The following FTO variants were observed in gnomAD, a reference collection of about 807,000 sequenced individuals.
FTO encodes FTO alpha-ketoglutarate dependent dioxygenase.
FTO carries 47 observed loss-of-function variants against 63.9 expected under a neutral mutation model. The observed-to-expected ratio is 0.74, with a 90% confidence interval of 0.58 to 0.94. FTO has a LOEUF of 0.94. Among genes scored for constraint, FTO ranks in the 40% least tolerant of loss-of-function variants. The probability of loss-of-function intolerance (pLI) is 0.00; values close to 1 mark genes in which losing one functional copy is unlikely to be tolerated. For synonymous variants in FTO, 207 were observed against 224.4 expected (o/e 0.92, Z 0.69); for missense variants, 562 against 618.1 (o/e 0.91, Z 0.96).
chr16:53,958,021 G>A lies in FTO; in HGVS notation c.1364+23912G>A, dbSNP rs193109214. On this transcript the variant is annotated intron_variant, in intron 8 of 8. Transcript: ENST00000471389. ...AGCTACATGAATTATATTATTTATA[G>A]TGAACATAGTAGTGTGGTTTCATCT... Among the ~76,000 whole-genome samples, 251 of 152,284 alleles carry A rather than the reference G, an allele frequency of 1.6e-3. 4 individuals are homozygous for A. Among genetic ancestry groups the A allele is most frequent in the Non-Finnish European group, 1.5e-3 (105 of 68,024 alleles).
At chr16:53,972,489 G>T (rs1186862429) in intron 8 of FTO, among the ~76,000 whole-genome samples, 1 of 152,056 alleles carries the variant, frequency 6.6e-6, no homozygotes, top group Non-Finnish European at 1.5e-5. Flanking sequence ...ATATTAAGTT[G>T]CCTTGAGTAT....
At chr16:53,854,999 A>G (rs1417713738) in intron 4 of FTO, among the ~76,000 whole-genome samples, 1 of 150,686 alleles carries the variant, frequency 6.6e-6, no homozygotes, top group African/African-American at 2.4e-5. Flanking sequence ...ATCTTCTACT[A>G]CCTTGGTCAA....
intron 8 of FTO, among the ~76,000 whole-genome samples, chr16:53,954,354 A>G (rs1033837045): frequency 6.6e-6 from 1 of 151,784 alleles, no homozygotes; most frequent in Admixed American, 6.6e-5. Context: ...TTTTTTCCCT[A>G]GACCTACCTC....
At chr16:54,089,467 T>C (rs1413983331) in intron 8 of FTO, among the ~76,000 whole-genome samples, 1 of 152,176 alleles carries the variant, frequency 6.6e-6, no homozygotes, top group African/African-American at 2.4e-5. Flanking sequence ...TACTGAGCAC[T>C]CATATCTGCA....
At chr16:53,922,194 C>T (rs2082023481) in intron 7 of FTO, among the ~76,000 whole-genome samples, 1 of 152,158 alleles carries the variant, frequency 6.6e-6, no homozygotes, top group Admixed American at 6.5e-5. Context: ...GCTCTCATTT[C>T]CTTTTTTTCC....
At chr16:53,714,324 T>C (rs2075843735) in intron 1 of FTO, among the ~76,000 whole-genome samples, 1 of 152,332 alleles carries the variant, frequency 6.6e-6, no homozygotes. Flanking sequence ...TCTCCAGTAA[T>C]AATATAAAAT....
chr16:53,712,209 G>A (rs1188219258), intron 1 of FTO, among the ~76,000 whole-genome samples: 1 of 152,048 alleles, frequency 6.6e-6, no homozygotes, highest in Non-Finnish European at 1.5e-5. Context: ...GTCCTGAGAA[G>A]GTTCTTTTGG....
chr16:53,946,197 CA>C (rs141980283), intron 8 of FTO, among the ~76,000 whole-genome samples: 1,875 of 150,742 alleles, frequency 0.012, 48 homozygotes, highest in African/African-American at 0.043. Context: ...AATCAGAAAA[CA>C]AAAAAAAATA....
intron 1 of FTO, among the ~76,000 whole-genome samples, chr16:53,748,445 A>G (rs1029727385): frequency 1.3e-5 from 2 of 151,786 alleles, no homozygotes; most frequent in Non-Finnish European, 2.9e-5. Flanking sequence ...ACTATTTTTT[A>G]TAGCTATTTT....
chr16:53,935,155 A>G (rs1344562777), intron 8 of FTO, among the ~76,000 whole-genome samples: 2 of 152,212 alleles, frequency 1.3e-5, no homozygotes, highest in Admixed American at 6.5e-5. Context: ...TCTCTAAGCC[A>G]GAGGGAGAGG....
chr16:54,038,317 T>C (rs1179167647), intron 8 of FTO, among the ~76,000 whole-genome samples: 1 of 152,160 alleles, frequency 6.6e-6, no homozygotes, highest in Admixed American at 6.5e-5. Flanking sequence ...ATAGAACGTT[T>C]CCAGTGTTTA....
intron 3 of FTO, among the ~76,000 whole-genome samples, chr16:53,836,814 C>T (rs2079306758): frequency 6.6e-6 from 1 of 152,136 alleles, no homozygotes; most frequent in Non-Finnish European, 1.5e-5. Context: ...TGACTGCCCC[C>T]AGCTTTTGTG....
intron 1 of FTO, among the ~76,000 whole-genome samples, chr16:53,747,448 A>C (rs1258505453): frequency 6.6e-6 from 1 of 152,050 alleles, no homozygotes; most frequent in African/African-American, 2.4e-5. Context: ...AGTAATGTTG[A>C]GCATTTTTTT....
chr16:53,953,472 C>G (rs1287129900), intron 8 of FTO, among the ~76,000 whole-genome samples: 1 of 152,176 alleles, frequency 6.6e-6, no homozygotes, highest in Non-Finnish European at 1.5e-5. Flanking sequence ...AAATCTGATA[C>G]AGGTAGGAGC....
intron 3 of FTO, among the ~76,000 whole-genome samples, chr16:53,829,990 G>A (rs954186891): frequency 3.3e-5 from 5 of 152,128 alleles, no homozygotes; most frequent in African/African-American, 1.2e-4. Context: ...TTCAGATACA[G>A]AAGTGATTGC....
chr16:53,843,149 T>C (rs1454561508), intron 3 of FTO, among the ~76,000 whole-genome samples: 1 of 152,238 alleles, frequency 6.6e-6, no homozygotes, highest in Admixed American at 6.5e-5. Context: ...TTGAGTAATT[T>C]CTGATCTTTT....
intron 1 of FTO, among the ~76,000 whole-genome samples, chr16:53,742,019 G>C (rs2076538619): frequency 6.6e-6 from 1 of 152,168 alleles, no homozygotes; most frequent in South Asian, 2.1e-4. Flanking sequence ...ATGTTTGTTA[G>C]TTTCTCCCAG....
intron 7 of FTO, among the ~76,000 whole-genome samples, chr16:53,928,765 A>C (rs1411631142): frequency 6.6e-6 from 1 of 152,152 alleles, no homozygotes; most frequent in Non-Finnish European, 1.5e-5. Flanking sequence ...AGTTAAATTA[A>C]ATTTTATAAA....
At chr16:53,787,348 G>A (rs2077776042) in intron 1 of FTO, among the ~76,000 whole-genome samples, 1 of 150,984 alleles carries the variant, frequency 6.6e-6, no homozygotes, top group Non-Finnish European at 1.5e-5. Context: ...GGAAAATGCA[G>A]CCAATATTGG....
Sources: allele counts gnomAD v4.1 joint callset (sites outside exome capture counted in the v4.1 genomes callset), GRCh38; gene constraint gnomAD v4.1.1; transcripts MANE v1.5; gene names NCBI Gene and HGNC (gene_info 2026-07-23, HGNC 2026-07-21).